Variants in RPS6KC1 observed in about 807,000 individuals in gnomAD.
RPS6KC1 encodes the protein ribosomal protein S6 kinase C1.
Under a neutral mutation model 103.8 loss-of-function variants are expected in RPS6KC1, and 54 were observed. The ratio of observed to expected loss-of-function variants is 0.52; its 90% CI spans 0.42 to 0.65. RPS6KC1 has a LOEUF of 0.65. Among genes scored for constraint, RPS6KC1 ranks in the 30% least tolerant of loss-of-function variants. The probability of loss-of-function intolerance (pLI) is 0.00; values close to 1 mark genes in which losing one functional copy is unlikely to be tolerated. For synonymous variants in RPS6KC1, 439 were observed against 438.7 expected, an observed-to-expected ratio of 1.00 and a Z score of -0.01; for missense variants, 1,151 against 1,253.8, an observed-to-expected ratio of 0.92 and a Z score of 1.24.
At chr1:213,271,407 G>A (rs1232677828) in intron 14 of RPS6KC1, among the ~76,000 whole-genome samples, 42 of 152,148 alleles carry the variant, frequency 2.8e-4, no homozygotes, top group Non-Finnish European at 8.8e-5. Context: ...AGTGGTTGCC[G>A]AGGGCTGGGG....
the RPS6KC1 span, among the ~76,000 whole-genome samples, chr1:213,604,333 G>A: frequency 1.3e-5 from 2 of 152,210 alleles, no homozygotes; most frequent in Non-Finnish European, 2.9e-5. Context: ...ACAGAACATG[G>A]GTTTTTCATG....
chr1:213,671,924 G>A, the RPS6KC1 span, among the ~76,000 whole-genome samples: 1 of 151,332 alleles, frequency 6.6e-6, no homozygotes, highest in Non-Finnish European at 1.5e-5. Flanking sequence ...AAATATATAT[G>A]ATTATTGCTT....
At chr1:213,611,566 T>C in the RPS6KC1 span, among the ~76,000 whole-genome samples, 1 of 152,210 alleles carries the variant, frequency 6.6e-6, no homozygotes, top group African/African-American at 2.4e-5. Context: ...GGAGGGATCT[T>C]ACGTAGTCAT....
intron 14 of RPS6KC1, among the ~76,000 whole-genome samples, chr1:213,268,573 A>G (rs1219093539): frequency 6.8e-6 from 1 of 147,936 alleles, no homozygotes; most frequent in Admixed American, 6.8e-5. Context: ...ATATATTTAT[A>G]TATTGTATAT....
At chr1:213,197,786 G>A (rs571855803) in intron 8 of RPS6KC1, among the ~76,000 whole-genome samples, 1 of 152,014 alleles carries the variant, frequency 6.6e-6, no homozygotes, top group South Asian at 2.1e-4. Flanking sequence ...CTTACTTTCG[G>A]CTTTCATTTG....
chr1:213,479,048 C>A, the RPS6KC1 span, among the ~76,000 whole-genome samples: 2 of 151,954 alleles, frequency 1.3e-5, no homozygotes, highest in African/African-American at 4.8e-5. Flanking sequence ...AGACTTCATT[C>A]TCTGTTTTTA....
At chr1:213,790,035 C>T in the RPS6KC1 span, among the ~76,000 whole-genome samples, 1 of 152,154 alleles carries the variant, frequency 6.6e-6, no homozygotes, top group Non-Finnish European at 1.5e-5. Context: ...GGGGTTTCTT[C>T]CTTAAGCATC....
the RPS6KC1 span, among the ~76,000 whole-genome samples, chr1:213,527,173 TC>T: frequency 2.0e-4 from 31 of 152,212 alleles, no homozygotes; most frequent in African/African-American, 6.3e-4. Flanking sequence ...GAATCACATC[TC>T]TTTATCTTGC....
At chr1:213,115,349 C>T (rs1399683983) in intron 4 of RPS6KC1, among the ~76,000 whole-genome samples, 4 of 151,780 alleles carry the variant, frequency 2.6e-5, no homozygotes, top group East Asian at 1.9e-4. Flanking sequence ...ATAGAGGTGT[C>T]TGTAGTATTC....
the RPS6KC1 span, among the ~76,000 whole-genome samples, chr1:213,284,714 C>A: frequency 2.6e-5 from 4 of 151,792 alleles, no homozygotes; most frequent in Non-Finnish European, 4.4e-5. Flanking sequence ...AAAACTAATT[C>A]AAGAAAACTT....
At chr1:213,403,710 G>A in the RPS6KC1 span, among the ~76,000 whole-genome samples, 1 of 152,116 alleles carries the variant, frequency 6.6e-6, no homozygotes, top group African/African-American at 2.4e-5. Flanking sequence ...CACCAAATAT[G>A]TCAATCAAGA....
chr1:213,398,822 GT>G, the RPS6KC1 span, among the ~76,000 whole-genome samples: 1 of 151,614 alleles, frequency 6.6e-6, no homozygotes, highest in Non-Finnish European at 1.5e-5. Context: ...ATCCTCCTCA[GT>G]TCTTTGAGAC....
the RPS6KC1 span, among the ~76,000 whole-genome samples, chr1:213,473,985 C>G: frequency 3.3e-5 from 5 of 152,162 alleles, no homozygotes; most frequent in African/African-American, 1.2e-4. Flanking sequence ...CAGTTGCCCT[C>G]CAGCCCGAAT....
the RPS6KC1 span, among the ~76,000 whole-genome samples, chr1:213,521,267 A>G: frequency 1.3e-5 from 2 of 152,200 alleles, no homozygotes; most frequent in Non-Finnish European, 2.9e-5. Context: ...CAGTGCATAT[A>G]AAAGTTAATG....
In RPS6KC1 at chr1:213,261,380, T is replaced by A. The variant is rs187716115; in HGVS notation, c.2912-178T>A. The stretch of plus-strand genomic sequence containing the variant: ...TATATGACTGCATCAAAAAAAAAAA[T>A]ATATGCAACCGCAGTAGGTGACCAA... On this transcript the variant is annotated intron_variant, in intron 12 of 14. Transcript: ENST00000366960. Among the ~76,000 whole-genome samples the A allele has an allele frequency of 4.1e-3, 619 of 151,510 alleles. 4 individuals are homozygous for A. Among genetic ancestry groups the A allele is most frequent in the African/African-American group, 0.014 (585 of 41,380 alleles).
At chr1:213,104,389 G>A (rs982704404) in intron 3 of RPS6KC1, 65 bp from the exon 4 acceptor site, 20 of 1,058,672 alleles carry the variant, frequency 1.9e-5, no homozygotes, top group Admixed American at 5.7e-5. Context: ...ATCTGTGGAC[G>A]TAAACTATCA....
intron 1 of RPS6KC1, among the ~76,000 whole-genome samples, chr1:213,063,848 C>G (rs1409189614): frequency 6.6e-6 from 1 of 151,970 alleles, no homozygotes; most frequent in East Asian, 1.9e-4. Context: ...TTAAAGAATA[C>G]TGGTATTCCA....
chr1:213,098,427 C>CCACTG (rs1405771534), intron 3 of RPS6KC1, among the ~76,000 whole-genome samples: 3 of 151,728 alleles, frequency 2.0e-5, no homozygotes, highest in African/African-American at 7.3e-5. Context: ...TAGGTGTAAG[C>CCACTG]CACTGCACCC....
At chr1:213,260,681 G>A (rs2094767383) in intron 12 of RPS6KC1, among the ~76,000 whole-genome samples, 4 of 150,108 alleles carry the variant, frequency 2.7e-5, no homozygotes, top group Admixed American at 2.0e-4. Context: ...AAATGAAAGG[G>A]CAGGTATTGG....
Sources: gnomAD v4.1 joint callset for allele counts (sites outside exome capture counted in the v4.1 genomes callset) on GRCh38, gnomAD v4.1.1 for gene constraint, MANE v1.5 for transcripts, NCBI Gene and HGNC (gene_info 2026-07-23, HGNC 2026-07-21) for gene names.